The following PHKB variants were observed in gnomAD, a reference collection of about 807,000 sequenced individuals.
PHKB encodes phosphorylase b kinase regulatory subunit beta.
In PHKB, 122 loss-of-function variants were observed where a neutral mutation model predicts 152.1. That is an observed-to-expected ratio of 0.80 (90% CI 0.69 to 0.93). The LOEUF (loss-of-function observed/expected upper bound fraction) is 0.93. Ranked by LOEUF, PHKB falls within the 40% of genes least tolerant of loss-of-function variation. The pLI is 0.00. For missense variants in PHKB, 1,304 were observed against 1,328.4 expected (o/e 0.98, Z 0.29); for synonymous variants, 436 against 464.9 (o/e 0.94, Z 0.80).
rs1971821003 is a variant in PHKB, at chr16:47,580,321, T to A, written c.737T>A (p.Leu246Gln). The change falls in exon 8 of 31, where the codon CTA becomes CAA. Residue 246 changes from leucine (L) to glutamine (Q), a missense_variant. By Grantham distance (113) the Leu-to-Gln change is moderately radical. Coordinates refer to ENST00000323584, the MANE Select transcript of PHKB (RefSeq NM_000293.3). ...SSSVGLAKAA[L>Q]EAINGFNLFG... is the part of the protein sequence containing the mutation. ...TCGGTTGGTTTAGCAAAAGCAGCTC[T>A]AGAAGCAATTAATGGATTCAACCTT... 1.9e-6 allele frequency: 3 copies of A among 1,612,894 alleles called. No homozygotes were observed. The highest frequency in any genetic ancestry group is 2.5e-6 in the Non-Finnish European group (3 of 1,179,188).
At chr16:47,467,405 C>G (rs1257080095) in intron 1 of PHKB, among the ~76,000 whole-genome samples, 1 of 152,152 alleles carries the variant, frequency 6.6e-6, no homozygotes, top group African/African-American at 2.4e-5. Flanking sequence ...TCAGTAATCA[C>G]TGTAACTCTA....
chr16:47,691,235 G>A (rs1433317440), intron 27 of PHKB, among the ~76,000 whole-genome samples: 1 of 152,174 alleles, frequency 6.6e-6, no homozygotes, highest in Non-Finnish European at 1.5e-5. Flanking sequence ...CCAAGAAACT[G>A]CTAGAGGAGC....
chr16:47,495,629 G>T (rs1254950183), intron 1 of PHKB, among the ~76,000 whole-genome samples: 1 of 152,092 alleles, frequency 6.6e-6, no homozygotes, highest in African/African-American at 2.4e-5. Context: ...GAGCTTCACT[G>T]GGAGTGTATA....
chr16:47,588,081 T>C (rs1045633839), intron 9 of PHKB, among the ~76,000 whole-genome samples: 8 of 152,182 alleles, frequency 5.3e-5, no homozygotes, highest in African/African-American at 1.9e-4. Context: ...ATATTTTTCA[T>C]AGTGTATATA....
chr16:47,557,663 G>T (rs926828702), intron 7 of PHKB, among the ~76,000 whole-genome samples: 1 of 152,144 alleles, frequency 6.6e-6, no homozygotes, highest in African/African-American at 2.4e-5. Flanking sequence ...TCAGAGAAAT[G>T]CAAATCAAAA....
chr16:47,696,611 G>A (rs549627906), intron 29 of PHKB, 123 bp downstream of exon 29: 13 of 714,352 alleles, frequency 1.8e-5, no homozygotes, highest in Middle Eastern at 4.6e-4. Flanking sequence ...GATCTCTCCT[G>A]TGAGACCCAG....
intron 1 of PHKB, among the ~76,000 whole-genome samples, chr16:47,496,198 A>T (rs143098930): frequency 1.3e-5 from 2 of 151,934 alleles, no homozygotes; most frequent in Admixed American, 6.6e-5. Flanking sequence ...GGTATACATT[A>T]CCTGAATCCA....
chr16:47,517,192 T>A (rs770662199), intron 6 of PHKB, among the ~76,000 whole-genome samples: 4 of 152,118 alleles, frequency 2.6e-5, no homozygotes, highest in Admixed American at 1.3e-4. Context: ...GAACATCTTA[T>A]GATAACCGTT....
intron 14 of PHKB, among the ~76,000 whole-genome samples, chr16:47,635,004 G>C (rs1404937725): frequency 6.6e-6 from 1 of 152,118 alleles, no homozygotes; most frequent in Non-Finnish European, 1.5e-5. Flanking sequence ...GAATGGGTGG[G>C]ATGGGGTTTA....
chr16:47,490,096 T>C (rs562989677), intron 1 of PHKB, among the ~76,000 whole-genome samples: 1 of 152,184 alleles, frequency 6.6e-6, no homozygotes, highest in African/African-American at 2.4e-5. Context: ...AAATAATTGC[T>C]TCAGCTTTCT....
At chr16:47,588,289 A>G (rs924300244) in intron 9 of PHKB, among the ~76,000 whole-genome samples, 2 of 151,404 alleles carry the variant, frequency 1.3e-5, no homozygotes, top group Non-Finnish European at 2.9e-5. Flanking sequence ...TATGTAAGTA[A>G]TGTAAGATTA....
intron 4 of PHKB, 122 bp downstream of exon 4, chr16:47,503,212 C>T (rs981912463): frequency 4.0e-5 from 31 of 767,422 alleles, no homozygotes; most frequent in African/African-American, 2.9e-4. Context: ...CATCCTAGGG[C>T]GGCCTAGATA....
rs925381619 is a variant in PHKB, at chr16:47,627,680, T to C, written c.1459-13355T>C. Among the ~76,000 whole-genome samples, 6 of 152,248 alleles carry C rather than the reference T, an allele frequency of 3.9e-5. No homozygotes were observed. In the South Asian group the frequency reaches 1.2e-3, roughly 31 times the overall value. On this transcript the variant is annotated intron_variant, in intron 14 of 30. Coordinates refer to ENST00000323584, the MANE Select transcript of PHKB (RefSeq NM_000293.3). ...CCATTTTCTCCCAGGCCAAGTTGAC[T>C]CTTGAGCCAAGTTTAGCTTTTTAAC...
intron 7 of PHKB, among the ~76,000 whole-genome samples, chr16:47,559,960 A>T (rs1272387643): frequency 6.6e-6 from 1 of 152,228 alleles, no homozygotes; most frequent in African/African-American, 2.4e-5. Flanking sequence ...GCCTGCTGCC[A>T]TTAGTGTGCT....
rs376309941 is a variant in PHKB, at chr16:47,603,490, A to G, written c.1363+6959A>G. The stretch of plus-strand genomic sequence containing the variant: ...AAGACTTTCTTTAGCTTTATGTATA[A>G]ATAACTGACTTTCTTTTTTTTTTTT... On this transcript the variant is annotated intron_variant, in intron 13 of 30. Transcript: ENST00000323584. Among the ~76,000 whole-genome samples, 5 of 151,898 alleles carry G rather than the reference A, an allele frequency of 3.3e-5. No homozygotes were observed. The South Asian group carries it at 1.0e-3, about 32-fold the overall frequency.
intron 7 of PHKB, among the ~76,000 whole-genome samples, chr16:47,574,376 T>C (rs1971715832): frequency 6.6e-6 from 1 of 152,242 alleles, no homozygotes; most frequent in Admixed American, 6.5e-5. Context: ...TGACTCACCA[T>C]GTAGGTTGCC....
intron 9 of PHKB, among the ~76,000 whole-genome samples, chr16:47,588,518 C>T (rs924082709): frequency 1.1e-4 from 16 of 152,188 alleles, no homozygotes; most frequent in African/African-American, 3.4e-4. Flanking sequence ...TACCAGTAAA[C>T]AGATTTCTAC....
At chr16:47,661,332 A>G (rs1973440255) in intron 22 of PHKB, among the ~76,000 whole-genome samples, 1 of 152,180 alleles carries the variant, frequency 6.6e-6, no homozygotes, top group African/African-American at 2.4e-5. Context: ...TCTCCCATTT[A>G]CCAATAAGAA....
chr16:47,690,469 A>G (rs181848628), intron 27 of PHKB, among the ~76,000 whole-genome samples: 20 of 152,328 alleles, frequency 1.3e-4, no homozygotes, highest in Admixed American at 7.2e-4. Flanking sequence ...GTCAGAAGAT[A>G]ACTGAGAAAC....
Sources: allele counts gnomAD v4.1 joint callset (sites outside exome capture counted in the v4.1 genomes callset), GRCh38; gene constraint gnomAD v4.1.1; transcripts MANE v1.5; gene names NCBI Gene and HGNC (gene_info 2026-07-23, HGNC 2026-07-21).